DNAAF5: variants seen among roughly 807,000 people sequenced by gnomAD.
DNAAF5 encodes the protein HEAT repeat containing 2.
In DNAAF5, 64 loss-of-function variants were observed where a neutral mutation model predicts 75.8. That is an observed-to-expected ratio of 0.84 (90% CI 0.69 to 1.04). The LOEUF (loss-of-function observed/expected upper bound fraction) is 1.04, where lower values mean the gene tolerates loss of function less well. Ranked by LOEUF, DNAAF5 falls within the 50% of genes least tolerant of loss-of-function variation. The pLI, the probability that DNAAF5 is intolerant of heterozygous loss-of-function variation, is 0.00. For missense variants in DNAAF5, 1,269 were observed against 1,178.5 expected (o/e 1.08, Z -1.12); for synonymous variants, 657 against 557.2 (o/e 1.18, Z -2.52).
chr7:782,055 C>T (rs770726756), intron 12 of DNAAF5, among the ~76,000 whole-genome samples: 2 of 152,276 alleles, frequency 1.3e-5, no homozygotes, highest in African/African-American at 2.4e-5. Context: ...ACCTTCCCCG[C>T]GCAGCTGCGT....
intron 4 of DNAAF5, among the ~76,000 whole-genome samples, chr7:749,576 A>G (rs1782224396): frequency 6.6e-6 from 1 of 152,216 alleles, no homozygotes; most frequent in African/African-American, 2.4e-5. Context: ...TTGAATGGAA[A>G]TTGTCAGAAA....
rs1251334143 is a variant in DNAAF5, at chr7:786,248, A to G, written c.*595A>G. The stretch of plus-strand genomic sequence containing the variant: ...GTTAATGCTAACAGTGTTGAAAACA[A>G]TATTTCATGAGATCTAATTGTGGTT... On this transcript the variant is annotated 3_prime_UTR_variant, in exon 13 of 13. Coordinates refer to ENST00000297440, the MANE Select transcript of DNAAF5 (RefSeq NM_017802.4). The G allele has an allele frequency of 6.6e-6, 1 of 152,464 alleles. No homozygotes were observed. The highest frequency in any genetic ancestry group is 2.4e-5 in the African/African-American group (1 of 41,568). 9.4% of individuals were successfully genotyped at this position (152,464 alleles called of 1,614,324 possible).
chr7:760,980 C>T (rs993648071), intron 6 of DNAAF5, among the ~76,000 whole-genome samples: 3 of 152,234 alleles, frequency 2.0e-5, no homozygotes, highest in Non-Finnish European at 4.4e-5. Context: ...CCTTGGCATG[C>T]GTGTTCTGCC....
rs548214548 is a variant in DNAAF5, at chr7:767,101, C to T, written c.1783+3127C>T. 6.8e-4 allele frequency among the ~76,000 whole-genome samples: 104 copies of T among 151,970 alleles called. No homozygotes were observed. In the Middle Eastern group the frequency reaches 0.014, roughly 20 times the overall value. On this transcript the variant is annotated intron_variant, in intron 8 of 12. Coordinates refer to ENST00000297440, the MANE Select transcript of DNAAF5 (RefSeq NM_017802.4). ...AAAAATACAAAAAATTAGCTGGGTGCGGTGGCGGGCGCTTGTGGTCCCAGC... is the reference window on the plus strand; with the variant it reads ...AAAAATACAAAAAATTAGCTGGGTGTGGTGGCGGGCGCTTGTGGTCCCAGC...
intron 11 of DNAAF5, among the ~76,000 whole-genome samples, chr7:779,116 T>G (rs1778854636): frequency 1.3e-5 from 2 of 152,268 alleles, no homozygotes; most frequent in Admixed American, 1.3e-4. Context: ...TTGGATGTTT[T>G]TCATGCCTTT....
chr7:783,655 G>A (rs527608416), intron 12 of DNAAF5, among the ~76,000 whole-genome samples: 1 of 152,278 alleles, frequency 6.6e-6, no homozygotes, highest in South Asian at 2.1e-4. Context: ...TTAAAAGGAG[G>A]ACAGCAGCTC....
At chr7:731,477 A>G (rs1029277037) in intron 2 of DNAAF5, among the ~76,000 whole-genome samples, 4 of 152,210 alleles carry the variant, frequency 2.6e-5, no homozygotes, top group African/African-American at 9.6e-5. Flanking sequence ...GCTGCCTATA[A>G]ATGCTATAAC....
In DNAAF5 at chr7:779,071, G is replaced by A. The variant is rs182062704; in HGVS notation, c.2240-882G>A. ...GGAATTAACCCACTGGGTCCCACTT[G>A]TCTCAAAGCCTGGCTTGGTAGGATG... is the stretch of plus-strand genomic sequence containing the variant. On this transcript the variant is annotated intron_variant, in intron 11 of 12. Transcript: ENST00000297440. 2.1e-4 allele frequency among the ~76,000 whole-genome samples: 32 copies of A among 152,392 alleles called. No individual in the cohort carries two copies. The East Asian group carries it at 3.5e-3, about 17-fold the overall frequency.
chr7:780,063 CAG>C lies in DNAAF5; in HGVS notation c.2353_2354del (p.Ser785GlnfsTer14), dbSNP rs878855036. ...VKGANAKSYY[Q>X]SSVQYLYREL... Reference sequence around the variant, plus strand: ...GGGTGCCAACGCAAAATCCTACTATCAGAGCAGTGTCCAGTACCTGTACCGAG... The same window carrying C: ...GGGTGCCAACGCAAAATCCTACTATCAGCAGTGTCCAGTACCTGTACCGAG... On this transcript the variant is annotated frameshift_variant, in exon 12 of 13. Transcript: ENST00000297440. LOFTEE classifies it high-confidence loss of function. 1 of 1,614,238 alleles carries C rather than the reference CAG, an allele frequency of 6.2e-7. No homozygotes were observed. The highest frequency in any genetic ancestry group is 8.5e-7 in the Non-Finnish European group (1 of 1,180,028).
chr7:755,085 C>T (rs1033350569), intron 5 of DNAAF5, among the ~76,000 whole-genome samples: 5 of 152,188 alleles, frequency 3.3e-5, no homozygotes, highest in African/African-American at 7.2e-5. Flanking sequence ...GTTGTGTAGA[C>T]GTGTTGTGTA....
chr7:768,474 G>A (rs572838654), intron 8 of DNAAF5: 153 of 152,322 alleles, frequency 1.0e-3, no homozygotes, highest in Non-Finnish European at 1.9e-3. Context: ...TGGTCCGGGC[G>A]GAAGTGTCCG....
At chr7:730,724 G>A (rs889700255) in intron 2 of DNAAF5, among the ~76,000 whole-genome samples, 23 of 152,196 alleles carry the variant, frequency 1.5e-4, no homozygotes, top group Admixed American at 1.5e-3. Context: ...TCATTCTCCG[G>A]CTCTCTCCCT....
intron 8 of DNAAF5, among the ~76,000 whole-genome samples, chr7:764,939 T>C (rs961721022): frequency 1.3e-5 from 2 of 152,052 alleles, no homozygotes; most frequent in African/African-American, 4.8e-5. Flanking sequence ...CGTGCACCTC[T>C]GAATCTAAAA....
chr7:776,075 C>T (rs1230948626), intron 11 of DNAAF5, among the ~76,000 whole-genome samples: 1 of 152,130 alleles, frequency 6.6e-6, no homozygotes, highest in South Asian at 2.1e-4. Context: ...CACGGTGGCT[C>T]ACGCCTGTAA....
In DNAAF5 at chr7:727,172, T is replaced by A. The variant is rs1315872078; in HGVS notation, c.452T>A (p.Leu151Gln). ...LRLALVQLLG[L>Q]AVDLCGAALA... is the part of the protein sequence containing the mutation. The stretch of plus-strand genomic sequence containing the variant: ...CTGGCGCTTGTGCAGCTGCTGGGCC[T>A]GGCCGTGGACCTGTGCGGCGCCGCG... Residue 151 changes from leucine to glutamine, a missense_variant, in exon 1 of 13, where the codon CTG becomes CAG. Leu to Gln is a moderately radical substitution (Grantham distance 113). Coordinates refer to ENST00000297440, the MANE Select transcript of DNAAF5 (RefSeq NM_017802.4). The A allele has an allele frequency of 7.6e-7, 1 of 1,320,876 alleles. No homozygotes were observed. The highest frequency in any genetic ancestry group is 1.8e-5 in the South Asian group (1 of 56,600). The allele number at this position is 1,320,876 out of a possible 1,614,324, so 81.8% of individuals were successfully genotyped here.
intron 3 of DNAAF5, among the ~76,000 whole-genome samples, 185 bp from the exon 4 acceptor site, chr7:741,162 C>T (rs1349674042): frequency 1.3e-5 from 2 of 152,248 alleles, no homozygotes; most frequent in Non-Finnish European, 2.9e-5. Context: ...AGACGGCCCC[C>T]TTTGTGTACT....
At chr7:776,960 G>A (rs1228558113) in intron 11 of DNAAF5, among the ~76,000 whole-genome samples, 1 of 152,162 alleles carries the variant, frequency 6.6e-6, no homozygotes, top group Non-Finnish European at 1.5e-5. Flanking sequence ...ATTCTCATAG[G>A]AGCACAAATC....
Position 741,272 on chromosome 7 carries a change from G to A in DNAAF5, c.906-75G>A, listed in dbSNP as rs944770990. The stretch of plus-strand genomic sequence containing the variant: ...ACGCAATGGGGTCTTTGGGTGACCC[G>A]TGTCCTGGCGCAGCCCTGCGGCCTC... On this transcript the variant is annotated intron_variant, in intron 3 of 12. Transcript: ENST00000297440. 55 of 1,113,444 alleles carry A rather than the reference G, an allele frequency of 4.9e-5. No individual in the cohort carries two copies. In the East Asian group the frequency reaches 1.2e-3, roughly 24 times the overall value. The allele number at this position is 1,113,444 out of a possible 1,614,324, so 69.0% of individuals were successfully genotyped here.
intron 12 of DNAAF5, among the ~76,000 whole-genome samples, chr7:780,453 T>C (rs1167214889): frequency 6.6e-6 from 1 of 152,256 alleles, no homozygotes. Flanking sequence ...AAAAATACTT[T>C]CCAAAACAAA....
Sources: allele counts gnomAD v4.1 joint callset (sites outside exome capture counted in the v4.1 genomes callset), GRCh38; gene constraint gnomAD v4.1.1; transcripts MANE v1.5; gene names NCBI Gene and HGNC (gene_info 2026-07-23, HGNC 2026-07-21).